LRRFIP2: variants seen among roughly 807,000 people sequenced by gnomAD.
LRRFIP2 encodes LRR binding FLII interacting protein 2.
Under a neutral mutation model 125.9 loss-of-function variants are expected in LRRFIP2, and 109 were observed. The observed-to-expected ratio is 0.87, with a 90% CI of 0.74 to 1.01. LRRFIP2 has a LOEUF of 1.01. Among genes scored for constraint, LRRFIP2 ranks in the 50% least tolerant of loss-of-function variants. The pLI, the probability that LRRFIP2 is intolerant of heterozygous loss-of-function variation, is 0.00. For synonymous variants in LRRFIP2, 291 were observed against 293.1 expected (o/e 0.99, Z 0.07); for missense variants, 850 against 862.3 (o/e 0.99, Z 0.18).
At position 37,091,558 on chromosome 3, in the gene LRRFIP2, A is replaced by G; in HGVS notation, c.1036-20T>C. ...GATATCCTGCAGGACATAGGAATGA[A>G]CCATTGCATAAAACCATGCACAAAC... On this transcript the variant is annotated intron_variant, in intron 17 of 27. Coordinates refer to ENST00000336686, the MANE Select transcript of LRRFIP2 (RefSeq NM_006309.4). The G allele has an allele frequency of 6.4e-7, 1 of 1,557,558 alleles. No homozygotes were observed. The highest frequency in any genetic ancestry group is 8.8e-7 in the Non-Finnish European group (1 of 1,140,584).
chr3:37,153,523 T>C (rs1251660856), intron 1 of LRRFIP2, among the ~76,000 whole-genome samples: 3 of 152,214 alleles, frequency 2.0e-5, no homozygotes, highest in Admixed American at 2.0e-4. Context: ...TCTGGTAGCA[T>C]TCTTTTGAAT....
intron 2 of LRRFIP2, among the ~76,000 whole-genome samples, chr3:37,142,912 T>G (rs1168263708): frequency 6.6e-6 from 1 of 152,196 alleles, no homozygotes; most frequent in Non-Finnish European, 1.5e-5. Context: ...CATGTTGAGA[T>G]GTAATCCCCA....
At chr3:37,108,525 C>T (rs2094433208) in intron 12 of LRRFIP2, 112 bp downstream of exon 12, 4 of 846,776 alleles carry the variant, frequency 4.7e-6, no homozygotes, top group Non-Finnish European at 7.4e-6. Context: ...GATTAAATGA[C>T]TTTTTCTTTG....
At chr3:37,093,554 TC>T (rs1257867395) in intron 17 of LRRFIP2, among the ~76,000 whole-genome samples, 1 of 152,196 alleles carries the variant, frequency 6.6e-6, no homozygotes, top group Non-Finnish European at 1.5e-5. Context: ...TCATATTTTC[TC>T]CCCTTGCAGT....
chr3:37,123,873 T>G (rs2095170013), intron 4 of LRRFIP2, among the ~76,000 whole-genome samples: 1 of 152,216 alleles, frequency 6.6e-6, no homozygotes, highest in Non-Finnish European at 1.5e-5. Context: ...ATACTTTCAA[T>G]TATGCCCCTT....
chr3:37,117,893 C>T (rs2094866080), intron 6 of LRRFIP2, among the ~76,000 whole-genome samples: 1 of 152,118 alleles, frequency 6.6e-6, no homozygotes, highest in Non-Finnish European at 1.5e-5. Context: ...CAGTTATATC[C>T]TTTGATGGGT....
intron 25 of LRRFIP2, among the ~76,000 whole-genome samples, chr3:37,056,458 CTT>C (rs202119305): frequency 2.7e-4 from 39 of 145,098 alleles, no homozygotes; most frequent in Admixed American, 2.7e-4. Flanking sequence ...AGAGGTTTTT[CTT>C]TTTTTTTTTT....
chr3:37,065,357 C>T, intron 23 of LRRFIP2: 1 of 304,814 alleles, frequency 3.3e-6, no homozygotes, highest in Non-Finnish European at 6.6e-6. Flanking sequence ...TCTTTTTGGT[C>T]ATCTGTTTCT....
At chr3:37,105,929 G>A (rs981051169) in intron 13 of LRRFIP2, among the ~76,000 whole-genome samples, 2 of 152,130 alleles carry the variant, frequency 1.3e-5, no homozygotes, top group Non-Finnish European at 2.9e-5. Context: ...GCCGGGTATG[G>A]TGGCGGGTGC....
intron 25 of LRRFIP2, 84 bp from the exon 26 acceptor site, chr3:37,055,249 G>A: frequency 1.3e-6 from 1 of 777,144 alleles, no homozygotes. Context: ...GTGGCACAGA[G>A]AGGACCATGC....
intron 21 of LRRFIP2, among the ~76,000 whole-genome samples, chr3:37,069,950 A>G (rs2090871728): frequency 6.6e-6 from 1 of 152,192 alleles, no homozygotes; most frequent in Non-Finnish European, 1.5e-5. Context: ...CTATGACTAT[A>G]AAAAGGCAAG....
chr3:37,074,769 A>G (rs1037097986), intron 20 of LRRFIP2, among the ~76,000 whole-genome samples: 1 of 152,220 alleles, frequency 6.6e-6, no homozygotes, highest in African/African-American at 2.4e-5. Flanking sequence ...ATTTCCTAAG[A>G]TATCTGTAGG....
intron 1 of LRRFIP2, among the ~76,000 whole-genome samples, chr3:37,156,073 C>T (rs904711893): frequency 1.3e-5 from 2 of 152,092 alleles, no homozygotes; most frequent in African/African-American, 2.4e-5. Context: ...CAGGGCTACA[C>T]CATGTTAGCC....
intron 17 of LRRFIP2, among the ~76,000 whole-genome samples, chr3:37,092,233 G>A (rs1349908294): frequency 4.6e-5 from 7 of 152,158 alleles, no homozygotes; most frequent in Non-Finnish European, 8.8e-5. Context: ...GTTTCCCTGT[G>A]TCTGACCTTG....
At chr3:37,107,716 C>T (rs1417338946) in intron 13 of LRRFIP2, among the ~76,000 whole-genome samples, 2 of 152,002 alleles carry the variant, frequency 1.3e-5, no homozygotes, top group Non-Finnish European at 2.9e-5. Flanking sequence ...GGTGAAATGG[C>T]TCAATGTGCA....
chr3:37,109,043 A>C (rs2094454062), intron 11 of LRRFIP2, among the ~76,000 whole-genome samples: 1 of 152,198 alleles, frequency 6.6e-6, no homozygotes, highest in Non-Finnish European at 1.5e-5. Context: ...TTAAGTTATA[A>C]AACCTCAGGA....
At chr3:37,156,240 G>A (rs370792484) in intron 1 of LRRFIP2, among the ~76,000 whole-genome samples, 5 of 152,098 alleles carry the variant, frequency 3.3e-5, no homozygotes, top group African/African-American at 9.7e-5. Flanking sequence ...AGCACTCTGC[G>A]AGGCCGAGGC....
intron 2 of LRRFIP2, among the ~76,000 whole-genome samples, chr3:37,130,198 T>G (rs1220008843): frequency 6.6e-6 from 1 of 152,196 alleles, no homozygotes; most frequent in Admixed American, 6.5e-5. Flanking sequence ...ATTCTGGACA[T>G]TTCATATACA....
intron 15 of LRRFIP2, among the ~76,000 whole-genome samples, chr3:37,101,667 A>C (rs1388997549): frequency 2.6e-5 from 2 of 77,762 alleles, no homozygotes; most frequent in African/African-American, 1.2e-4. Flanking sequence ...CCTGTCACCA[A>C]GAAAAAAAAA....
Sources: allele counts gnomAD v4.1 joint callset (sites outside exome capture counted in the v4.1 genomes callset), GRCh38; gene constraint gnomAD v4.1.1; transcripts MANE v1.5; gene names NCBI Gene and HGNC (gene_info 2026-07-23, HGNC 2026-07-21).